Variants in CELF1 observed in about 807,000 individuals in gnomAD.
CELF1 encodes the protein CUGBP Elav-like family member 1, also known as 50 kDa nuclear polyadenylated RNA-binding protein.
CELF1 carries 10 observed loss-of-function variants against 61.8 expected under a neutral mutation model. That is an observed-to-expected ratio of 0.16 (90% CI 0.10 to 0.27). The LOEUF (loss-of-function observed/expected upper bound fraction) is 0.27. Among genes scored for constraint, CELF1 ranks in the 10% least tolerant of loss-of-function variants. The pLI, the probability that CELF1 is intolerant of heterozygous loss-of-function variation, is 1.00. For synonymous variants in CELF1, 236 were observed against 225.1 expected (o/e 1.05, Z -0.43); for missense variants, 380 against 639.1 (o/e 0.59, Z 4.37).
intron 1 of CELF1, among the ~76,000 whole-genome samples, chr11:47,534,864 A>AT (rs1249022611): frequency 1.3e-5 from 2 of 152,226 alleles, no homozygotes; most frequent in African/African-American, 4.8e-5. Context: ...TCCCAGCTAA[A>AT]TGTGTGTTGT....
At chr11:47,519,070 T>A (rs148894095) in intron 1 of CELF1, among the ~76,000 whole-genome samples, 1 of 152,240 alleles carries the variant, frequency 6.6e-6, no homozygotes, top group African/African-American at 2.4e-5. Flanking sequence ...AGTTAGGTTA[T>A]AGGCCAGAAA....
At chr11:47,562,633 T>C (rs893888950) in intron 2 of CELF1, among the ~76,000 whole-genome samples, 7 of 150,468 alleles carry the variant, frequency 4.7e-5, no homozygotes, top group African/African-American at 1.5e-4. Flanking sequence ...AGACCTGTAA[T>C]CCCAGTACTT....
At chr11:47,482,596 A>G (rs1431739549) in intron 9 of CELF1, 99 bp downstream of exon 9, 2 of 1,200,548 alleles carry the variant, frequency 1.7e-6, no homozygotes, top group African/African-American at 1.5e-5. Context: ...CTATATGCCA[A>G]AAGTTGTAAA....
At chr11:47,539,985 T>C (rs1216980248) in intron 1 of CELF1, among the ~76,000 whole-genome samples, 3 of 152,204 alleles carry the variant, frequency 2.0e-5, no homozygotes, top group Non-Finnish European at 4.4e-5. Context: ...TCAGTTCTAA[T>C]CTCAAATTCC....
chr11:47,548,865 CAAAAAAA>C (rs35634201), intron 1 of CELF1, among the ~76,000 whole-genome samples: 1 of 83,622 alleles, frequency 1.2e-5, no homozygotes, highest in Non-Finnish European at 2.3e-5. Context: ...GACTCCATCT[CAAAAAAA>C]AAAAAAAAAA....
intron 11 of CELF1, 40 bp downstream of exon 11, chr11:47,477,257 C>T: frequency 6.2e-7 from 1 of 1,611,504 alleles, no homozygotes; most frequent in Non-Finnish European, 8.5e-7. Context: ...AGCATCTGTC[C>T]AAGGCACATA....
Position 47,537,270 on chromosome 11 carries a change from CAG to C in CELF1, c.-154+15720_-154+15721del, listed in dbSNP as rs2096653108. Among the ~76,000 whole-genome samples, 3 of 133,378 alleles carry C rather than the reference CAG, an allele frequency of 2.2e-5. No homozygotes were observed. In the Admixed American group the frequency reaches 2.4e-4, roughly 11 times the overall value. 87.5% of individuals were successfully genotyped at this position (133,378 alleles called of 152,430 possible). On this transcript the variant is annotated intron_variant, in intron 1 of 14. Coordinates refer to ENST00000687097, the MANE Select transcript of CELF1 (RefSeq NM_001376376.1). ...ATTTTTTTTTTTTTTTTTTTTGGGA[CAG>C]AGTCTCACTCTGTCGCCCAGGCTAG...
intron 1 of CELF1, among the ~76,000 whole-genome samples, chr11:47,535,380 A>ATATTATGAC (rs2096601490): frequency 6.6e-6 from 1 of 152,122 alleles, no homozygotes; most frequent in Non-Finnish European, 1.5e-5. Context: ...GATACTCCAC[A>ATATTATGAC]AACATATTAT....
chr11:47,513,411 T>C (rs190404241), intron 1 of CELF1, among the ~76,000 whole-genome samples: 7 of 151,402 alleles, frequency 4.6e-5, no homozygotes, highest in Admixed American at 3.3e-4. Flanking sequence ...TTTGGGGGTT[T>C]TCCCCCCTGA....
chr11:47,526,742 G>A (rs2096257385), intron 1 of CELF1, among the ~76,000 whole-genome samples: 1 of 152,172 alleles, frequency 6.6e-6, no homozygotes, highest in African/African-American at 2.4e-5. Context: ...TGAGATCCTT[G>A]ATTATAAAAC....
At chr11:47,499,257 C>T (rs2093599423) in intron 3 of CELF1, among the ~76,000 whole-genome samples, 196 bp downstream of exon 3, 1 of 152,154 alleles carries the variant, frequency 6.6e-6, no homozygotes, top group Admixed American at 6.5e-5. Flanking sequence ...ATGTAAATAA[C>T]TTAAAGCCTT....
intron 3 of CELF1, among the ~76,000 whole-genome samples, chr11:47,493,493 G>A (rs2092349530): frequency 7.8e-6 from 1 of 128,334 alleles, no homozygotes; most frequent in African/African-American, 3.0e-5. Flanking sequence ...GGGCGACAGA[G>A]CAAGACTCCA....
chr11:47,502,789 G>A (rs989762402), intron 1 of CELF1, among the ~76,000 whole-genome samples: 3 of 152,058 alleles, frequency 2.0e-5, no homozygotes, highest in South Asian at 2.1e-4. Context: ...CTGAGATTGC[G>A]CCACTGCACT....
rs537673126 is a variant in CELF1, at chr11:47,507,156, TA to T, written c.-153-6225del. 1.9e-3 allele frequency among the ~76,000 whole-genome samples: 289 copies of T among 152,324 alleles called. 1 individual carries two copies. Among genetic ancestry groups the T allele is most frequent in the Middle Eastern group, 0.014 (4 of 294 alleles). On this transcript the variant is annotated intron_variant, in intron 1 of 14. Transcript: ENST00000687097. ...TAAAAGGTTTAAAAGAGTCTTGCCC[TA>T]AAATGTCGTAACAAATAGCAAAACA...
chr11:47,476,811 G>T, intron 12 of CELF1, 35 bp downstream of exon 12: 2 of 1,504,986 alleles, frequency 1.3e-6, no homozygotes, highest in South Asian at 1.1e-5. Flanking sequence ...CCTGCACAAA[G>T]AATAGTCTGA....
intron 8 of CELF1, 50 bp from the exon 9 acceptor site, chr11:47,482,906 G>GA (rs761449606): frequency 1.5e-5 from 23 of 1,550,452 alleles, no homozygotes; most frequent in South Asian, 7.1e-5. Flanking sequence ...CTGAAAAGAA[G>GA]AAAAAAAATC....
At chr11:47,534,022 CTTTTTTT>C (rs71042679) in intron 1 of CELF1, among the ~76,000 whole-genome samples, 36 of 87,614 alleles carry the variant, frequency 4.1e-4, no homozygotes, top group South Asian at 2.3e-3. Context: ...TTTTTCTTTC[CTTTTTTT>C]TTTTTTTTTT....
At chr11:47,545,061 T>A (rs886867066) in intron 1 of CELF1, among the ~76,000 whole-genome samples, 2 of 152,068 alleles carry the variant, frequency 1.3e-5, no homozygotes, top group Non-Finnish European at 2.9e-5. Context: ...GACAGGCGGA[T>A]AACTTGAGAT....
In CELF1 at chr11:47,476,969, A is replaced by C. The variant is rs1192399219; in HGVS notation, c.974-10T>G. 6.2e-7 allele frequency: 1 copy of C among 1,606,280 alleles called. No individual in the cohort carries two copies. The highest frequency in any genetic ancestry group is 8.5e-7 in the Non-Finnish European group (1 of 1,172,986). ...CTAGGTGAGGACCCTGCTATTAGAA[A>C]GCAAGGAGTTAAAATTCAACCCATC... is the stretch of plus-strand genomic sequence containing the variant. On this transcript the variant is annotated splice_polypyrimidine_tract_variant and intron_variant, in intron 11 of 14. Transcript: ENST00000687097.
Sources: gnomAD v4.1 joint callset for allele counts (sites outside exome capture counted in the v4.1 genomes callset) on GRCh38, gnomAD v4.1.1 for gene constraint, MANE v1.5 for transcripts, NCBI Gene and HGNC (gene_info 2026-07-23, HGNC 2026-07-21) for gene names.